The following SATB2 variants were observed in gnomAD, a reference collection of about 807,000 sequenced individuals.
SATB2 encodes the protein SATB homeobox 2, also known as DNA-binding protein SATB2.
A neutral mutation model predicts 73.4 loss-of-function variants in SATB2; 1 was observed. The observed-to-expected ratio is 0.01, with a 90% CI of 0.00 to 0.06. The LOEUF (loss-of-function observed/expected upper bound fraction) is 0.06, where lower values mean the gene tolerates loss of function less well. Among genes scored for constraint, SATB2 ranks in the 10% least tolerant of loss-of-function variants. The probability of loss-of-function intolerance (pLI) is 1.00; values close to 1 mark genes in which losing one functional copy is unlikely to be tolerated. For missense variants in SATB2, 459 were observed against 945.8 expected (o/e 0.49, Z 6.75); for synonymous variants, 397 against 367.0 (o/e 1.08, Z -0.93).
intron 9 of SATB2, 67 bp from the exon 10 acceptor site, chr2:199,309,024 C>T (rs1199196290): frequency 9.9e-6 from 12 of 1,209,826 alleles, no homozygotes; most frequent in East Asian, 2.4e-5. Flanking sequence ...GCCTTGACTG[C>T]GGTCCAGTGC....
At chr2:199,333,475 C>G (rs577123009) in intron 7 of SATB2, among the ~76,000 whole-genome samples, 1 of 152,128 alleles carries the variant, frequency 6.6e-6, no homozygotes, top group South Asian at 2.1e-4. Flanking sequence ...TATAAAGTTA[C>G]GATGAATATT....
At chr2:199,339,161 G>A (rs1446718202) in intron 7 of SATB2, among the ~76,000 whole-genome samples, 1 of 152,082 alleles carries the variant, frequency 6.6e-6, no homozygotes, top group Non-Finnish European at 1.5e-5. Flanking sequence ...AGTCTCTTTA[G>A]ATGAGCCCTC....
intron 3 of SATB2, among the ~76,000 whole-genome samples, chr2:199,401,506 C>T (rs1416544653): frequency 1.3e-5 from 2 of 149,438 alleles, no homozygotes; most frequent in African/African-American, 4.9e-5. Context: ...TGAGCTGAGA[C>T]GGCACCACTG....
intron 10 of SATB2, among the ~76,000 whole-genome samples, chr2:199,302,594 T>A (rs750713153): frequency 2.6e-5 from 4 of 152,088 alleles, no homozygotes; most frequent in Non-Finnish European, 4.4e-5. Context: ...AGGACTAGAG[T>A]GGGGATTCAA....
chr2:199,326,145 C>G (rs956002681), intron 8 of SATB2: 1 of 152,038 alleles, frequency 6.6e-6, no homozygotes, highest in African/African-American at 2.4e-5. Flanking sequence ...CTGTACTGTA[C>G]TACGATCTTT....
At chr2:199,279,573 G>A (rs566627944) in intron 10 of SATB2, among the ~76,000 whole-genome samples, 53 of 152,282 alleles carry the variant, frequency 3.5e-4, no homozygotes, top group African/African-American at 1.3e-3. Flanking sequence ...GACTGTATAA[G>A]GTGGTTGATC....
chr2:199,295,611 T>A (rs1190096580), intron 10 of SATB2, among the ~76,000 whole-genome samples: 1 of 152,196 alleles, frequency 6.6e-6, no homozygotes, highest in Non-Finnish European at 1.5e-5. Flanking sequence ...AGCAAGACCA[T>A]GTTCCTCCTC....
chr2:199,397,365 T>C (rs2105888069), intron 3 of SATB2, among the ~76,000 whole-genome samples: 1 of 152,358 alleles, frequency 6.6e-6, no homozygotes, highest in South Asian at 2.1e-4. Context: ...GTGCTCTTTA[T>C]ATCCAAAGAA....
intron 2 of SATB2, among the ~76,000 whole-genome samples, chr2:199,453,394 C>T (rs894030061): frequency 3.3e-5 from 5 of 151,796 alleles, no homozygotes; most frequent in South Asian, 2.1e-4. Flanking sequence ...TATCTGAAAA[C>T]GGTAATAAAT....
chr2:199,328,964 G>A, intron 7 of SATB2, 54 bp from the exon 8 acceptor site: 1 of 1,406,546 alleles, frequency 7.1e-7, no homozygotes, highest in Non-Finnish European at 1.0e-6. Flanking sequence ...GTATATGTGT[G>A]TGGTTTCTGT....
At chr2:199,293,885 G>A (rs1692946846) in intron 10 of SATB2, among the ~76,000 whole-genome samples, 1 of 151,452 alleles carries the variant, frequency 6.6e-6, no homozygotes, top group Non-Finnish European at 1.5e-5. Flanking sequence ...TGTGAGGGTG[G>A]GAGAAAAAAA....
chr2:199,455,531 C>G lies in SATB2; in HGVS notation c.169+338G>C, dbSNP rs557749720. ...ACGCACGTGAACTTCATCCCTACAA[C>G]AGACACTCCGAGGCAAGGCAAAAGA... On this transcript the variant is annotated intron_variant, in intron 2 of 10. Coordinates refer to ENST00000417098, the MANE Select transcript of SATB2 (RefSeq NM_001172509.2). The surrounding 1 kb of genome is among the most constrained non-coding windows in gnomAD (Gnocchi z 4.1). 6.6e-6 allele frequency among the ~76,000 whole-genome samples: 1 copy of G among 152,354 alleles called. No individual in the cohort carries two copies. The highest frequency in any genetic ancestry group is 2.4e-5 in the African/African-American group (1 of 41,588).
intron 3 of SATB2, among the ~76,000 whole-genome samples, chr2:199,390,987 A>G (rs1013606704): frequency 3.9e-5 from 6 of 152,182 alleles, no homozygotes; most frequent in African/African-American, 1.4e-4. Flanking sequence ...ATGAAGGCAA[A>G]CGTATATTCA....
chr2:199,387,065 TG>T (rs1421003897), intron 3 of SATB2, among the ~76,000 whole-genome samples: 5 of 152,208 alleles, frequency 3.3e-5, no homozygotes, highest in African/African-American at 1.2e-4. Flanking sequence ...GTTTGCACAG[TG>T]TTTTATACAA....
chr2:199,386,127 C>T (rs1486480997), intron 3 of SATB2, among the ~76,000 whole-genome samples: 1 of 152,096 alleles, frequency 6.6e-6, no homozygotes, highest in Non-Finnish European at 1.5e-5. Flanking sequence ...ATCCAAAATC[C>T]TTGGAGAACC....
rs1200735859 is a variant in SATB2 at position 199,423,439 on chromosome 2, TTCAACCACCTATCTTTCAATAGTGCTCAA to T, written c.346+9870_346+9898del. Among the ~76,000 whole-genome samples, 26 of 152,200 alleles carry T rather than the reference TTCAACCACCTATCTTTCAATAGTGCTCAA, an allele frequency of 1.7e-4. 1 individual carries two copies. In the South Asian group the frequency reaches 5.2e-3, roughly 30 times the overall value. ...TTTCTGCAAAGTAAGAGTGGTAAAA[TTCAACCACCTATCTTTCAATAGTGCTCAA>T]AAGACTAAAGATCTTAATTTTAAAA... On this transcript the variant is annotated intron_variant, in intron 3 of 10. Transcript: ENST00000417098.
intron 3 of SATB2, among the ~76,000 whole-genome samples, chr2:199,385,145 T>C (rs1689892109): frequency 6.6e-6 from 1 of 152,060 alleles, no homozygotes; most frequent in Admixed American, 6.6e-5. Flanking sequence ...GTTTGTTTGT[T>C]TGTTTCTGAC....
At chr2:199,336,814 T>A (rs1688350133) in intron 7 of SATB2, among the ~76,000 whole-genome samples, 1 of 152,192 alleles carries the variant, frequency 6.6e-6, no homozygotes, top group Admixed American at 6.5e-5. Context: ...AAAGTAGTTA[T>A]GAGTATGAGT....
chr2:199,461,349 A>G (rs1194895837), upstream of SATB2, among the ~76,000 whole-genome samples: 1 of 152,222 alleles, frequency 6.6e-6, no homozygotes, highest in Non-Finnish European at 1.5e-5. Flanking sequence ...GATATATTTT[A>G]ATAGTTTTAC....
Sources: allele counts gnomAD v4.1 joint callset (sites outside exome capture counted in the v4.1 genomes callset), GRCh38; gene constraint gnomAD v4.1.1; non-coding constraint Gnocchi (gnomAD v3.1); transcripts MANE v1.5; gene names NCBI Gene and HGNC (gene_info 2026-07-23, HGNC 2026-07-21).